Variants in DET1 observed in about 807,000 individuals in gnomAD.
DET1 encodes DET1 homolog.
In DET1, 22 loss-of-function variants were observed where a neutral mutation model predicts 43.7. That is an observed-to-expected ratio of 0.50 (90% CI 0.36 to 0.72). The LOEUF (loss-of-function observed/expected upper bound fraction) is 0.72. Among genes scored for constraint, DET1 ranks in the 30% least tolerant of loss-of-function variants. DET1 has a pLI of 0.00. For synonymous variants in DET1, 315 were observed against 266.2 expected, an observed-to-expected ratio of 1.18 and a Z score of -1.79; for missense variants, 713 against 713.3, an observed-to-expected ratio of 1.00 and a Z score of 0.00.
chr15:88,517,363 C>A (rs1234829053), intron 3 of DET1, among the ~76,000 whole-genome samples: 1 of 151,674 alleles, frequency 6.6e-6, no homozygotes, highest in Admixed American at 6.6e-5. Context: ...GTAGGTGGGA[C>A]TACAGGCACG....
chr15:88,521,798 C>A (rs927034522), intron 3 of DET1, among the ~76,000 whole-genome samples: 1 of 151,838 alleles, frequency 6.6e-6, no homozygotes, highest in South Asian at 2.1e-4. Flanking sequence ...AATGTATGTT[C>A]TTTCTCAAAG....
At chr15:88,538,116 T>C (rs916439737) in intron 1 of DET1, among the ~76,000 whole-genome samples, 3 of 152,196 alleles carry the variant, frequency 2.0e-5, no homozygotes, top group Non-Finnish European at 4.4e-5. Context: ...GAAGAAAGCC[T>C]GACTGAATTG....
At chr15:88,538,483 C>A (rs923321730) in intron 1 of DET1, among the ~76,000 whole-genome samples, 2 of 151,118 alleles carry the variant, frequency 1.3e-5, no homozygotes, top group Non-Finnish European at 2.9e-5. Flanking sequence ...TTAACTAGAC[C>A]CCCCCTCCCC....
At chr15:88,508,174 A>C (rs1386869270), downstream of DET1, among the ~76,000 whole-genome samples, 1 of 152,200 alleles carries the variant, frequency 6.6e-6, no homozygotes, top group Non-Finnish European at 1.5e-5. Context: ...CATTATGGTG[A>C]GCTGTATAAT....
Position 88,504,660 on chromosome 15 carries a change from AC to A in DET1, c.*2066-674del, listed in dbSNP as rs1270877138. 1.3e-5 allele frequency: 2 copies of A among 152,026 alleles called. No homozygotes were observed. The highest frequency in any genetic ancestry group is 4.8e-5 in the African/African-American group (2 of 41,384). The allele number at this position is 152,026 out of a possible 1,614,324, so 9.4% of individuals were successfully genotyped here. A position where few individuals can be genotyped will look rare whatever the true frequency, so the allele number is the denominator to read the frequency against. ...CCAATCCAGAGCCCACACCTCAAGC[AC>A]CTTTTTATAGGGCTCTCACACTCAG... is the stretch of plus-strand genomic sequence containing the variant. On this transcript the variant is annotated intron_variant and NMD_transcript_variant, in intron 7 of 8. Coordinates refer to the DET1 transcript ENST00000557842. This position sits in a 1 kb window ranked among gnomAD's most constrained non-coding sequence, Gnocchi z 4.7.
At chr15:88,506,148 T>A (rs1273734545) in intron 7 of DET1, among the ~76,000 whole-genome samples, 1 of 152,174 alleles carries the variant, frequency 6.6e-6, no homozygotes, top group Non-Finnish European at 1.5e-5. Flanking sequence ...GGGCACTTAT[T>A]GTATCAAGAG....
rs1198093401 is a variant in DET1, at chr15:88,536,801, G to C, written c.-10-5086C>G. Among the ~76,000 whole-genome samples the C allele has an allele frequency of 1.6e-5, 2 of 124,762 alleles. 1 individual carries two copies. The highest frequency in any genetic ancestry group is 5.4e-4 in the South Asian group (2 of 3,732). 81.8% of individuals were successfully genotyped at this position (124,762 alleles called of 152,430 possible). On this transcript the variant is annotated intron_variant, in intron 1 of 4. Transcript: ENST00000268148. ...AAAAAAAAAAAAAAGGAACAAACTA[G>C]ATAAAAAGGTACCTAAAAGGCTAAA...
At chr15:88,544,646 C>T (rs530332521) in intron 1 of DET1, among the ~76,000 whole-genome samples, 19 of 152,268 alleles carry the variant, frequency 1.2e-4, no homozygotes, top group Admixed American at 3.3e-4. Flanking sequence ...GTCATCCTCA[C>T]GCCAATGGCT....
At chr15:88,508,835 AG>A (rs1480059297), downstream of DET1, among the ~76,000 whole-genome samples, 3 of 152,362 alleles carry the variant, frequency 2.0e-5, no homozygotes, top group African/African-American at 7.2e-5. Flanking sequence ...AAAGAGAATA[AG>A]GGGTCAAAGC....
chr15:88,530,643 G>T lies in DET1; in HGVS notation c.1063C>A (p.Arg355=), dbSNP rs752162376. The change falls in exon 2 of 5, where the codon CGA becomes AGA. Residue 355 remains arginine, a synonymous_variant. Coordinates refer to ENST00000268148, the MANE Select transcript of DET1 (RefSeq NM_001144074.3). The stretch of plus-strand genomic sequence containing the variant: ...CATACCTGTGATGGATCTGTGACTC[G>T]CAGTGTTACTACATCCTCACTAGTG... ...KYTSEDVVTL[R]VTDPSQASFF... 1.2e-6 allele frequency: 2 copies of T among 1,608,620 alleles called. No individual in the cohort carries two copies. The highest frequency in any genetic ancestry group is 1.7e-6 in the Non-Finnish European group (2 of 1,177,010).
chr15:88,507,061 ATAACT>A (rs759802803), intron 7 of DET1, among the ~76,000 whole-genome samples: 1 of 152,248 alleles, frequency 6.6e-6, no homozygotes. Flanking sequence ...AAAGGCATTG[ATAACT>A]TAATATAAGC....
intron 2 of DET1, among the ~76,000 whole-genome samples, chr15:88,528,134 C>A (rs947218626): frequency 1.3e-5 from 2 of 152,144 alleles, no homozygotes; most frequent in African/African-American, 4.8e-5. Flanking sequence ...AATATTTTTC[C>A]TTCCAAGTGT....
In DET1 at chr15:88,533,499, C is replaced by G. The variant is rs548926100; in HGVS notation, c.-10-1784G>C. Among the ~76,000 whole-genome samples, 3 of 152,192 alleles carry G rather than the reference C, an allele frequency of 2.0e-5. No individual in the cohort carries two copies. In the East Asian group the frequency reaches 5.8e-4, roughly 29 times the overall value. On this transcript the variant is annotated intron_variant, in intron 1 of 4. Coordinates refer to ENST00000268148, the MANE Select transcript of DET1 (RefSeq NM_001144074.3). ...TTGCACACCCATGTTCATATCAGCGCTATTCATAGTAGTCAAGAGATGGAA... is the reference window on the plus strand; with the variant it reads ...TTGCACACCCATGTTCATATCAGCGGTATTCATAGTAGTCAAGAGATGGAA...
intron 1 of DET1, chr15:88,532,054 C>T (rs1260701695): frequency 5.6e-6 from 1 of 179,162 alleles, no homozygotes; most frequent in Admixed American, 5.7e-5. Flanking sequence ...GTAATCCCAA[C>T]ACTTTGGGAG....
rs2056951333 is a variant in DET1 at position 88,536,394 on chromosome 15, A to G, written c.-10-4679T>C. On this transcript the variant is annotated intron_variant, in intron 1 of 4. Coordinates refer to ENST00000268148, the MANE Select transcript of DET1 (RefSeq NM_001144074.3). The stretch of plus-strand genomic sequence containing the variant: ...GTATTCCCAGCACCTAGGAGAAGGG[A>G]CAGTTAAGCGCTCATAAATATGTTA... 1.1e-5 allele frequency: 8 copies of G among 758,734 alleles called. No homozygotes were observed. The Admixed American group carries it at 1.1e-4, about 10-fold the overall frequency. The allele number at this position is 758,734 out of a possible 1,614,324, so 47.0% of individuals were successfully genotyped here. A position where few individuals can be genotyped will look rare whatever the true frequency, so the allele number is the denominator to read the frequency against.
chr15:88,529,170 A>T (rs184291014), intron 2 of DET1, among the ~76,000 whole-genome samples: 22 of 152,362 alleles, frequency 1.4e-4, no homozygotes, highest in African/African-American at 4.8e-4. Flanking sequence ...GCAGTCACAG[A>T]CAACTTATTC....
downstream of DET1, chr15:88,511,698 C>T (rs2056203447): frequency 1.4e-6 from 1 of 698,584 alleles, no homozygotes; most frequent in Non-Finnish European, 1.8e-6. Context: ...AGCAGGTGCT[C>T]AAATCCTGCA....
chr15:88,512,703 T>C lies in DET1; in HGVS notation c.*248A>G. 1 of 1,230,232 alleles carries C rather than the reference T, an allele frequency of 8.1e-7. No homozygotes were observed. The highest frequency in any genetic ancestry group is 1.0e-6 in the Non-Finnish European group (1 of 985,562). 76.2% of individuals were successfully genotyped at this position (1,230,232 alleles called of 1,614,324 possible). A position where few individuals can be genotyped will look rare whatever the true frequency, so the allele number is the denominator to read the frequency against. The stretch of plus-strand genomic sequence containing the variant: ...TAAAGCAAAAATGAAATGGACTTAA[T>C]TAATGCTGGGCATTCCCACAGGGAA... On this transcript the variant is annotated 3_prime_UTR_variant, in exon 5 of 5. Coordinates refer to ENST00000268148, the MANE Select transcript of DET1 (RefSeq NM_001144074.3).
chr15:88,514,777 C>T (rs1166353892), intron 4 of DET1, among the ~76,000 whole-genome samples: 1 of 152,156 alleles, frequency 6.6e-6, no homozygotes, highest in East Asian at 1.9e-4. Flanking sequence ...GCAGGAATGG[C>T]ATTCTCTCTT....
Sources: gnomAD v4.1 joint callset for allele counts (sites outside exome capture counted in the v4.1 genomes callset) on GRCh38, gnomAD v4.1.1 for gene constraint, Gnocchi (gnomAD v3.1) non-coding constraint, MANE v1.5 for transcripts, NCBI Gene and HGNC (gene_info 2026-07-23, HGNC 2026-07-21) for gene names.